Variants in CCNY observed in about 807,000 individuals in gnomAD.
CCNY encodes cyclin-Y.
Under a neutral mutation model 42.8 loss-of-function variants are expected in CCNY, and 19 were observed. That is an observed-to-expected ratio of 0.44 (90% CI 0.31 to 0.65). CCNY has a LOEUF of 0.65. Among genes scored for constraint, CCNY ranks in the 30% least tolerant of loss-of-function variants. The pLI, the probability that CCNY is intolerant of heterozygous loss-of-function variation, is 0.07. For synonymous variants in CCNY, 165 were observed against 162.7 expected, an observed-to-expected ratio of 1.01 and a Z score of -0.11; for missense variants, 370 against 437.3, an observed-to-expected ratio of 0.85 and a Z score of 1.37.
chr10:35,529,890 A>T, intron 5 of CCNY, 83 bp from the exon 6 acceptor site: 1 of 1,295,116 alleles, frequency 7.7e-7, no homozygotes, highest in South Asian at 1.3e-5. Context: ...AAAAAAAGTC[A>T]TTGAATTAAA....
chr10:35,488,421 G>A (rs1227832680), intron 2 of CCNY, among the ~76,000 whole-genome samples: 2 of 152,084 alleles, frequency 1.3e-5, no homozygotes, highest in African/African-American at 4.8e-5. Flanking sequence ...TCCTCCGAGC[G>A]CTGCCATGGC....
chr10:35,497,081 G>A (rs924563365), intron 2 of CCNY, among the ~76,000 whole-genome samples: 1 of 152,152 alleles, frequency 6.6e-6, no homozygotes, highest in Admixed American at 6.5e-5. Flanking sequence ...TGTGTCAAAG[G>A]AGATTGCTGT....
At chr10:35,268,768 A>G (rs12573286) in intron 3 of CCNY, among the ~76,000 whole-genome samples, 3 of 152,234 alleles carry the variant, frequency 2.0e-5, no homozygotes, top group African/African-American at 7.2e-5. Context: ...TTATGGCCTG[A>G]ACTTCACAGC....
At chr10:35,358,729 C>T (rs1447685894) in intron 1 of CCNY, among the ~76,000 whole-genome samples, 1 of 152,204 alleles carries the variant, frequency 6.6e-6, no homozygotes, top group Non-Finnish European at 1.5e-5. Context: ...TGCCAGCTTC[C>T]TGTAGTTCTT....
intron 1 of CCNY, among the ~76,000 whole-genome samples, chr10:35,446,362 A>G (rs996884547): frequency 6.6e-6 from 1 of 152,254 alleles, no homozygotes; most frequent in Non-Finnish European, 1.5e-5. Context: ...CTTGATGAAG[A>G]TACTGGACAC....
intron 1 of CCNY, among the ~76,000 whole-genome samples, chr10:35,344,376 T>TA (rs1285499433): frequency 1.3e-5 from 2 of 151,320 alleles, no homozygotes; most frequent in East Asian, 2.0e-4. Context: ...CTCTTCTGCT[T>TA]AAAAAAAGTG....
chr10:35,333,599 AATTAGGAC>A (rs1356175396), upstream of CCNY, among the ~76,000 whole-genome samples: 1 of 152,226 alleles, frequency 6.6e-6, no homozygotes, highest in East Asian at 1.9e-4. Context: ...TCAAATCCCC[AATTAGGAC>A]ATTTCTCAGT....
At chr10:35,296,872 A>G (rs566755749) in intron 3 of CCNY, among the ~76,000 whole-genome samples, 2 of 152,190 alleles carry the variant, frequency 1.3e-5, no homozygotes, top group East Asian at 3.9e-4. Context: ...ATTCTACCAG[A>G]TGTATAAAGA....
chr10:35,455,818 TTTTTTTTAA>T (rs1485705666), intron 1 of CCNY, among the ~76,000 whole-genome samples: 5 of 136,486 alleles, frequency 3.7e-5, no homozygotes, highest in East Asian at 2.1e-4. Context: ...TTTTTTTTTT[TTTTTTTTAA>T]AAAAAGAAAA....
At chr10:35,462,851 A>G (rs1432621998) in intron 1 of CCNY, among the ~76,000 whole-genome samples, 3 of 152,240 alleles carry the variant, frequency 2.0e-5, no homozygotes, top group African/African-American at 7.2e-5. Context: ...TGCAGGGTGC[A>G]CTGCTGTGCT....
chr10:35,412,860 CAAAAAAAAAAA>C (rs10558250), intron 1 of CCNY, among the ~76,000 whole-genome samples: 35 of 34,772 alleles, frequency 1.0e-3, no homozygotes, highest in South Asian at 4.6e-3. Context: ...GACTCTGTCT[CAAAAAAAAAAA>C]AAAAAAAAAA....
intron 1 of CCNY, among the ~76,000 whole-genome samples, chr10:35,337,798 A>G (rs2135114679): frequency 6.6e-6 from 1 of 152,198 alleles, no homozygotes; most frequent in South Asian, 2.1e-4. Context: ...TCTCCCGAGA[A>G]TGCTCTTTAA....
intron 1 of CCNY, among the ~76,000 whole-genome samples, chr10:35,373,709 TTAA>T (rs1836988442): frequency 6.6e-6 from 1 of 152,188 alleles, no homozygotes. Flanking sequence ...ATGATTTTTC[TTAA>T]TAGCAGTTTC....
intron 1 of CCNY, among the ~76,000 whole-genome samples, chr10:35,375,451 T>C (rs574698331): frequency 1.0e-3 from 152 of 152,278 alleles, no homozygotes; most frequent in Non-Finnish European, 1.8e-3. Flanking sequence ...TGGGCTCATC[T>C]CTCTACCTTG....
chr10:35,490,234 G>T (rs1019830900), intron 2 of CCNY, among the ~76,000 whole-genome samples: 2 of 152,184 alleles, frequency 1.3e-5, no homozygotes, highest in African/African-American at 4.8e-5. Flanking sequence ...TTCTTCATAT[G>T]ACTTTGTTGG....
intron 1 of CCNY, among the ~76,000 whole-genome samples, chr10:35,348,522 G>A (rs1306290407): frequency 6.6e-6 from 1 of 152,198 alleles, no homozygotes; most frequent in Non-Finnish European, 1.5e-5. Flanking sequence ...ATACGACTTC[G>A]TCACTCACAG....
chr10:35,356,811 C>T (rs998906117), intron 1 of CCNY, among the ~76,000 whole-genome samples: 2 of 152,230 alleles, frequency 1.3e-5, no homozygotes, highest in Non-Finnish European at 2.9e-5. Context: ...ATAATCCTCT[C>T]TCTCTCTCCT....
chr10:35,390,393 A>T (rs1175209459), intron 1 of CCNY, among the ~76,000 whole-genome samples: 1 of 152,238 alleles, frequency 6.6e-6, no homozygotes. Context: ...GGTGGTTTTA[A>T]AATAGAGCTG....
intron 1 of CCNY, among the ~76,000 whole-genome samples, chr10:35,455,674 T>C (rs1839013016): frequency 6.6e-6 from 1 of 152,104 alleles, no homozygotes; most frequent in Non-Finnish European, 1.5e-5. Context: ...TCTCTCTGGG[T>C]CTTGAGAGAA....
Sources: gnomAD v4.1 joint callset for allele counts (sites outside exome capture counted in the v4.1 genomes callset) on GRCh38, gnomAD v4.1.1 for gene constraint, MANE v1.5 for transcripts, NCBI Gene and HGNC (gene_info 2026-07-23, HGNC 2026-07-21) for gene names.